The following EPHB4 variants were observed in gnomAD, a reference collection of about 807,000 sequenced individuals.
EPHB4 encodes EPH receptor B4.
EPHB4 carries 50 observed loss-of-function variants against 110.6 expected under a neutral mutation model. The ratio of observed to expected loss-of-function variants is 0.45; its 90% confidence interval spans 0.36 to 0.57. EPHB4 has a LOEUF of 0.57. Among genes scored for constraint, EPHB4 ranks in the 20% least tolerant of loss-of-function variants. The probability of loss-of-function intolerance (pLI) is 0.00; values close to 1 mark genes in which losing one functional copy is unlikely to be tolerated. For synonymous variants in EPHB4, 592 were observed against 578.4 expected (o/e 1.02, Z -0.34); for missense variants, 1,128 against 1,382.1 (o/e 0.82, Z 2.91).
chr7:100,819,311 T>G (rs1270272757), intron 6 of EPHB4, among the ~76,000 whole-genome samples: 1 of 151,570 alleles, frequency 6.6e-6, no homozygotes, highest in Non-Finnish European at 1.5e-5. Context: ...GATCTTCCTA[T>G]GTTACCCAGG....
At chr7:100,813,392 T>A (rs1812993115) in intron 10 of EPHB4, 184 bp from the exon 11 acceptor site, 1 of 607,334 alleles carries the variant, frequency 1.6e-6, no homozygotes, top group African/African-American at 1.9e-5. Context: ...CTTGGCTCAC[T>A]GCAATCTCCG....
rs144185458 is a variant in EPHB4 at position 100,819,623 on chromosome 7, C to T, written c.1231G>A (p.Gly411Arg). Residue 411 changes from glycine to arginine, a missense_variant, in exon 6 of 17, where the codon GGG becomes AGG. Gly to Arg is a moderately radical substitution (Grantham distance 125, BLOSUM62 -2). Coordinates refer to ENST00000358173, the MANE Select transcript of EPHB4 (RefSeq NM_004444.5). The stretch of plus-strand genomic sequence containing the variant: ...GGCCCCGTGGCTAAGGAGGATACCC[C>T]GTTCAATGCAGTGACCTCAAAGGTA... ...TYTFEVTALN[G>R]VSSLATGPVP... The T allele has an allele frequency of 1.2e-5, 19 of 1,605,028 alleles. No individual in the cohort carries two copies. Among genetic ancestry groups the T allele is most frequent in the South Asian group, 2.2e-5 (2 of 90,786 alleles).
In EPHB4 at chr7:100,820,283, G is replaced by A; in HGVS notation, c.822C>T (p.Gly274=). ...GNTKCRACAQ[G]TFKPLSGEGS... The stretch of plus-strand genomic sequence containing the variant: ...CTTCTCCTGACAGGGGCTTGAAGGT[G>A]CCCTGGGCACAGGCTGAGAGAGAGA... Residue 274 remains glycine, a synonymous_variant, in exon 5 of 17, where the codon GGC becomes GGT. Transcript: ENST00000358173. The A allele has an allele frequency of 7.4e-6, 12 of 1,613,892 alleles. No homozygotes were observed. Among genetic ancestry groups the A allele is most frequent in the Non-Finnish European group, 1.0e-5 (12 of 1,179,990 alleles).
chr7:100,815,448 A>G (rs930170789), intron 8 of EPHB4, among the ~76,000 whole-genome samples: 7 of 152,188 alleles, frequency 4.6e-5, no homozygotes, highest in African/African-American at 1.4e-4. Flanking sequence ...ATTTCAAGAC[A>G]GAAAGTGGGT....
Position 100,813,914 on chromosome 7 carries a change from C to T in EPHB4, c.1691+5G>A. 1 of 1,614,028 alleles carries T rather than the reference C, an allele frequency of 6.2e-7. No individual in the cohort carries two copies. The highest frequency in any genetic ancestry group is 8.5e-7 in the Non-Finnish European group (1 of 1,179,966). On this transcript the variant is annotated splice_donor_5th_base_variant and intron_variant, in intron 9 of 16. Coordinates refer to ENST00000358173, the MANE Select transcript of EPHB4 (RefSeq NM_004444.5). ...CCAGGGGCCTCTGGGTGTCAGAGCCCTTACCTGAGGCAGAGAACTGCGACC... is the reference window on the plus strand; with the variant it reads ...CCAGGGGCCTCTGGGTGTCAGAGCCTTTACCTGAGGCAGAGAACTGCGACC...
chr7:100,827,081 C>G lies in EPHB4; in HGVS notation c.-51G>C, dbSNP rs1293382154. The G allele has an allele frequency of 6.5e-7, 1 of 1,544,640 alleles. No homozygotes were observed. The stretch of plus-strand genomic sequence containing the variant: ...CGAACTGAGTTTGGGGGGCCCTCGC[C>G]CCCCCAGGTCTGACTCTCCCTGGGC... On this transcript the variant is annotated 5_prime_UTR_variant, in exon 1 of 17. Coordinates refer to ENST00000358173, the MANE Select transcript of EPHB4 (RefSeq NM_004444.5).
At chr7:100,806,684 C>A in intron 13 of EPHB4, 115 bp from the exon 14 acceptor site, 1 of 1,252,566 alleles carries the variant, frequency 8.0e-7, no homozygotes. Flanking sequence ...GCTCAGGCCC[C>A]AAGCCTCCTA....
At chr7:100,825,705 T>C (rs1463544471) in intron 1 of EPHB4, among the ~76,000 whole-genome samples, 8 of 152,160 alleles carry the variant, frequency 5.3e-5, no homozygotes, top group Non-Finnish European at 8.8e-5. Context: ...GGGGCAATAA[T>C]AGCACCACCC....
At chr7:100,823,242 G>A (rs571482998) in intron 3 of EPHB4, among the ~76,000 whole-genome samples, 5 of 152,270 alleles carry the variant, frequency 3.3e-5, no homozygotes, top group East Asian at 3.9e-4. Context: ...GCAAGATCTC[G>A]GGAGCTGGAA....
intron 12 of EPHB4, among the ~76,000 whole-genome samples, chr7:100,810,199 G>A (rs1484968993): frequency 6.6e-6 from 1 of 152,082 alleles, no homozygotes; most frequent in South Asian, 2.1e-4. Flanking sequence ...GCAGTGAGCC[G>A]AGATTGTGCC....
intron 14 of EPHB4, 109 bp downstream of exon 14, chr7:100,806,311 A>G: frequency 7.5e-7 from 1 of 1,330,756 alleles, no homozygotes; most frequent in Non-Finnish European, 1.0e-6. Context: ...TGTCATCTCC[A>G]TGGTCTCAAG....
chr7:100,809,852 G>C (rs987459933), intron 12 of EPHB4, among the ~76,000 whole-genome samples: 1 of 152,292 alleles, frequency 6.6e-6, no homozygotes, highest in East Asian at 1.9e-4. Context: ...GGTGGCTCAC[G>C]CGTTTAATCC....
At chr7:100,815,348 ACC>A (rs1813043481) in intron 8 of EPHB4, among the ~76,000 whole-genome samples, 1 of 152,026 alleles carries the variant, frequency 6.6e-6, no homozygotes, top group East Asian at 1.9e-4. Context: ...ACAAACCACA[ACC>A]AAAAAAACCC....
Position 100,824,236 on chromosome 7 carries a change from C to G in EPHB4, c.90G>C (p.Leu30=). The G allele has an allele frequency of 6.2e-7, 1 of 1,613,974 alleles. No homozygotes were observed. The highest frequency in any genetic ancestry group is 8.5e-7 in the Non-Finnish European group (1 of 1,179,996). ...LLNTKLETAD[L]KWVTFPQVDG... is the part of the protein sequence containing the mutation. The stretch of plus-strand genomic sequence containing the variant: ...CCACCTGAGGGAATGTCACCCACTT[C>G]AGATCAGCAGTTTCCAATTTTGTGT... Residue 30 remains leucine, a synonymous_variant, in exon 2 of 17, where the codon CTG becomes CTC. Transcript: ENST00000358173.
At chr7:100,808,088 G>A (rs1024882973) in intron 12 of EPHB4, among the ~76,000 whole-genome samples, 3 of 152,130 alleles carry the variant, frequency 2.0e-5, no homozygotes, top group Non-Finnish European at 4.4e-5. Flanking sequence ...TGCTTACAAT[G>A]GTTCCTGCTT....
rs1201062675 is a variant in EPHB4, at chr7:100,820,227, T to C, written c.878A>G (p.His293Arg). 6.2e-7 allele frequency: 1 copy of C among 1,613,730 alleles called. No homozygotes were observed. The change falls in exon 5 of 17, where the codon CAC (histidine) becomes CGC (arginine). Residue 293 changes from histidine (H) to arginine (R), a missense_variant. This residue lies in a region of EPHB4 where 728 missense variants were observed against 828.6 expected (regional missense o/e 0.88). Coordinates refer to ENST00000358173, the MANE Select transcript of EPHB4 (RefSeq NM_004444.5). The stretch of plus-strand genomic sequence containing the variant: ...GACGGCTGATCCAATGGTGTTAGAG[T>C]GGCTATTGGCTGGGCATGGCTGGCA... ...GSCQPCPANS[H>R]SNTIGSAVCQ...
chr7:100,819,005 G>A (rs1813152046), intron 6 of EPHB4, among the ~76,000 whole-genome samples: 1 of 152,064 alleles, frequency 6.6e-6, no homozygotes, highest in Non-Finnish European at 1.5e-5. Context: ...TTTCCCCCTG[G>A]CTGTTTCGAG....
rs1812836826 is a variant in EPHB4 at position 100,807,272 on chromosome 7, C to A, written c.2334+93G>T. On this transcript the variant is annotated intron_variant, in intron 13 of 16. Coordinates refer to ENST00000358173, the MANE Select transcript of EPHB4 (RefSeq NM_004444.5). ...CTGCTCCTGTATCCTCTCCCTGGAGCAGGGCTGCCAAACCCTCAGCCTCCC... is the reference window on the plus strand; with the variant it reads ...CTGCTCCTGTATCCTCTCCCTGGAGAAGGGCTGCCAAACCCTCAGCCTCCC... The A allele has an allele frequency of 3.0e-6, 4 of 1,324,314 alleles. No individual in the cohort carries two copies. The Admixed American group carries it at 7.4e-5, about 24-fold the overall frequency. 82.0% of individuals were successfully genotyped at this position (1,324,314 alleles called of 1,614,324 possible).
intron 12 of EPHB4, among the ~76,000 whole-genome samples, 174 bp downstream of exon 12, chr7:100,812,573 A>G (rs1713749146): frequency 6.6e-6 from 1 of 152,158 alleles, no homozygotes; most frequent in African/African-American, 2.4e-5. Context: ...TGGGCGACAG[A>G]GCGAGGCTCT....
Sources: allele counts gnomAD v4.1 joint callset (sites outside exome capture counted in the v4.1 genomes callset), GRCh38; gene constraint gnomAD v4.1.1; regional missense constraint gnomAD v4.1.1; transcripts MANE v1.5; gene names NCBI Gene and HGNC (gene_info 2026-07-23, HGNC 2026-07-21).